GRID1: variants seen among roughly 807,000 people sequenced by gnomAD.
GRID1 encodes the protein glutamate ionotropic receptor delta type subunit 1.
A neutral mutation model predicts 98.0 loss-of-function variants in GRID1; 28 were observed. The observed-to-expected ratio is 0.29, with a 90% CI of 0.21 to 0.39. The LOEUF is 0.39. Among genes scored for constraint, GRID1 ranks in the 10% least tolerant of loss-of-function variants. The pLI is 1.00. For synonymous variants in GRID1, 553 were observed against 538.5 expected, an observed-to-expected ratio of 1.03 and a Z score of -0.37; for missense variants, 1,111 against 1,340.5, an observed-to-expected ratio of 0.83 and a Z score of 2.67.
chr10:86,191,124 G>A (rs943910055), intron 3 of GRID1, among the ~76,000 whole-genome samples: 23 of 152,174 alleles, frequency 1.5e-4, no homozygotes, highest in Admixed American at 5.2e-4. Flanking sequence ...CTCAAAGTCA[G>A]GTAAAGCAGG....
intron 2 of GRID1, among the ~76,000 whole-genome samples, chr10:86,340,747 T>C (rs954346129): frequency 6.6e-6 from 1 of 152,178 alleles, no homozygotes; most frequent in Admixed American, 6.5e-5. Context: ...CCCTGCCTGC[T>C]GAAGTCCCCA....
At chr10:86,129,841 T>C (rs1844807481) in intron 4 of GRID1, among the ~76,000 whole-genome samples, 1 of 152,188 alleles carries the variant, frequency 6.6e-6, no homozygotes, top group Non-Finnish European at 1.5e-5. Context: ...CAGTCTTCCA[T>C]CTAGAGGAGG....
At chr10:86,323,444 A>G (rs1277182410) in intron 2 of GRID1, among the ~76,000 whole-genome samples, 1 of 152,232 alleles carries the variant, frequency 6.6e-6, no homozygotes, top group African/African-American at 2.4e-5. Flanking sequence ...ATCTCCAAAG[A>G]GCTTAGGAGA....
chr10:86,189,751 C>T (rs1845775261), intron 3 of GRID1, among the ~76,000 whole-genome samples: 1 of 152,126 alleles, frequency 6.6e-6, no homozygotes, highest in African/African-American at 2.4e-5. Flanking sequence ...ACTAGTACTC[C>T]TCCCTATCCC....
intron 4 of GRID1, among the ~76,000 whole-genome samples, chr10:85,938,893 T>A (rs181885834): frequency 5.3e-5 from 8 of 152,332 alleles, no homozygotes; most frequent in African/African-American, 1.9e-4. Context: ...CACATGAAAG[T>A]ATATTAAGTA....
At chr10:85,656,486 T>C (rs1840896507) in intron 12 of GRID1, among the ~76,000 whole-genome samples, 1 of 152,196 alleles carries the variant, frequency 6.6e-6, no homozygotes, top group African/African-American at 2.4e-5. Flanking sequence ...AGCCCTGACC[T>C]ACCTCATCCA....
intron 2 of GRID1, among the ~76,000 whole-genome samples, chr10:86,315,089 C>T (rs1215650552): frequency 6.6e-6 from 1 of 152,196 alleles, no homozygotes; most frequent in African/African-American, 2.4e-5. Context: ...CTTCCAGGCT[C>T]TGCCTCTGTC....
chr10:85,901,851 T>G (rs1404169516), intron 5 of GRID1, among the ~76,000 whole-genome samples: 1 of 152,222 alleles, frequency 6.6e-6, no homozygotes, highest in African/African-American at 2.4e-5. Flanking sequence ...AGAATGATAC[T>G]GCAGAACAAC....
chr10:85,907,015 T>C (rs1841470813), intron 5 of GRID1, among the ~76,000 whole-genome samples: 1 of 152,176 alleles, frequency 6.6e-6, no homozygotes, highest in Non-Finnish European at 1.5e-5. Flanking sequence ...AAGTAATGAA[T>C]ATTATATATG....
intron 4 of GRID1, among the ~76,000 whole-genome samples, chr10:86,021,518 T>G (rs1323426015): frequency 1.3e-5 from 2 of 152,080 alleles, no homozygotes; most frequent in Non-Finnish European, 2.9e-5. Context: ...TTTTTGTTTT[T>G]TAAAAGGACT....
chr10:86,046,688 G>A (rs1216157144), intron 4 of GRID1, among the ~76,000 whole-genome samples: 2 of 152,140 alleles, frequency 1.3e-5, no homozygotes, highest in East Asian at 1.9e-4. Flanking sequence ...ACCAGAGGAA[G>A]AAGGGATTGT....
intron 3 of GRID1, among the ~76,000 whole-genome samples, chr10:86,159,038 C>T (rs796157828): frequency 9.2e-5 from 14 of 152,250 alleles, no homozygotes; most frequent in African/African-American, 2.4e-4. Flanking sequence ...GGACCACAGG[C>T]GCCCGCGACC....
At chr10:85,943,430 A>T (rs1842019038) in intron 4 of GRID1, among the ~76,000 whole-genome samples, 1 of 152,196 alleles carries the variant, frequency 6.6e-6, no homozygotes, top group Admixed American at 6.5e-5. Flanking sequence ...GCATTACCTC[A>T]CCATGGAACT....
intron 2 of GRID1, among the ~76,000 whole-genome samples, chr10:86,214,954 A>G (rs1384375470): frequency 6.6e-6 from 1 of 152,262 alleles, no homozygotes; most frequent in Non-Finnish European, 1.5e-5. Context: ...AAAGTTTTCA[A>G]ACTTGCCAAG....
intron 13 of GRID1, among the ~76,000 whole-genome samples, chr10:85,625,919 C>T (rs1363713817): frequency 6.6e-6 from 1 of 152,204 alleles, no homozygotes; most frequent in Non-Finnish European, 1.5e-5. Context: ...TCACTTGGAG[C>T]ACAACCTTTC....
At chr10:86,009,477 G>C (rs1180083380) in intron 4 of GRID1, among the ~76,000 whole-genome samples, 1 of 152,174 alleles carries the variant, frequency 6.6e-6, no homozygotes, top group Non-Finnish European at 1.5e-5. Context: ...GAAGGAAATG[G>C]CTTCTAATCA....
At chr10:85,973,738 C>A (rs528181167) in intron 4 of GRID1, among the ~76,000 whole-genome samples, 45 of 152,184 alleles carry the variant, frequency 3.0e-4, no homozygotes, top group African/African-American at 1.0e-3. Flanking sequence ...TGAGAATAGA[C>A]TTTTTAAGTA....
At chr10:86,168,805 G>A (rs576792658) in intron 3 of GRID1, among the ~76,000 whole-genome samples, 2 of 152,230 alleles carry the variant, frequency 1.3e-5, no homozygotes, top group African/African-American at 2.4e-5. Context: ...TACCCTGGGG[G>A]ACAGGGCAGG....
chr10:85,708,549 C>T (rs11201744), intron 12 of GRID1, among the ~76,000 whole-genome samples: 9,174 of 152,154 alleles, frequency 0.06, 535 homozygotes, highest in African/African-American at 0.15. Context: ...AAAAGTGTCA[C>T]ACCAATATTC....
Sources: allele counts gnomAD v4.1 joint callset (sites outside exome capture counted in the v4.1 genomes callset), GRCh38; gene constraint gnomAD v4.1.1; transcripts MANE v1.5; gene names NCBI Gene and HGNC (gene_info 2026-07-23, HGNC 2026-07-21).